IDE: variants seen among roughly 807,000 people sequenced by gnomAD.
IDE encodes insulin-degrading enzyme.
A neutral mutation model predicts 133.2 loss-of-function variants in IDE; 58 were observed. The observed-to-expected ratio is 0.44, with a 90% CI of 0.35 to 0.54. The LOEUF (loss-of-function observed/expected upper bound fraction) is 0.54. IDE is among the 20% of genes least tolerant of loss of function. The pLI, the probability that IDE is intolerant of heterozygous loss-of-function variation, is 0.00. For synonymous variants in IDE, 396 were observed against 421.3 expected (o/e 0.94, Z 0.73); for missense variants, 981 against 1,234.0 (o/e 0.79, Z 3.07).
intron 4 of IDE, among the ~76,000 whole-genome samples, chr10:92,523,339 C>G (rs1410280827): frequency 6.6e-6 from 1 of 151,836 alleles, no homozygotes; most frequent in Non-Finnish European, 1.5e-5. Flanking sequence ...CGAGATCATG[C>G]GACCGCACTC....
intron 13 of IDE, 127 bp downstream of exon 13, chr10:92,487,069 T>C (rs1322389522): frequency 3.1e-5 from 25 of 815,474 alleles, no homozygotes; most frequent in Non-Finnish European, 4.0e-5. Context: ...CTGCAGCTTT[T>C]TTGTCACCTA....
chr10:92,541,248 T>C (rs1170361328), intron 1 of IDE: 2 of 434,524 alleles, frequency 4.6e-6, no homozygotes, highest in South Asian at 3.5e-5. Flanking sequence ...AAAGTCTGGG[T>C]TTACCTATAG....
chr10:92,516,512 A>T (rs1010340241), intron 4 of IDE, among the ~76,000 whole-genome samples: 3 of 152,266 alleles, frequency 2.0e-5, no homozygotes, highest in Middle Eastern at 6.8e-3. Context: ...CTATATCTGT[A>T]TCTATATCTC....
In IDE at chr10:92,531,818, A is replaced by G. The variant is rs763435041; in HGVS notation, c.591T>C (p.Asp197=). Residue 197 remains aspartate, a synonymous_variant, in exon 4 of 25, where the codon GAT becomes GAC. Coordinates refer to ENST00000265986, the MANE Select transcript of IDE (RefSeq NM_004969.4). The stretch of plus-strand genomic sequence containing the variant: ...TTTCCAATTGAAAGAGTCTCCAGGC[A>G]TCATTCATCACATTCTTCTCATGTT... ...DSEHEKNVMN[D]AWRLFQLEKA... is the part of the protein sequence containing the mutation. 5.8e-5 allele frequency: 94 copies of G among 1,610,320 alleles called. No homozygotes were observed. The highest frequency in any genetic ancestry group is 7.9e-5 in the Non-Finnish European group (93 of 1,177,628).
At chr10:92,567,436 C>T (rs1843607830) in intron 1 of IDE, among the ~76,000 whole-genome samples, 1 of 152,188 alleles carries the variant, frequency 6.6e-6, no homozygotes, top group South Asian at 2.1e-4. Context: ...TCTGCAGACA[C>T]TCTTCTTTCC....
chr10:92,492,184 C>T (rs1314784418), intron 11 of IDE, among the ~76,000 whole-genome samples: 2 of 151,228 alleles, frequency 1.3e-5, no homozygotes, highest in Admixed American at 6.6e-5. Context: ...GGCGTGAACC[C>T]GGAAGGCGGA....
At chr10:92,535,085 T>C (rs1445422252) in intron 2 of IDE, among the ~76,000 whole-genome samples, 1 of 152,038 alleles carries the variant, frequency 6.6e-6, no homozygotes, top group African/African-American at 2.4e-5. Context: ...TTTTAAGAGG[T>C]AAAATTTTCT....
intron 22 of IDE, among the ~76,000 whole-genome samples, chr10:92,460,248 C>G (rs1236415347): frequency 6.6e-6 from 1 of 152,122 alleles, no homozygotes; most frequent in African/African-American, 2.4e-5. Flanking sequence ...TATCTCTGAC[C>G]ACAATTCAAA....
intron 1 of IDE, among the ~76,000 whole-genome samples, chr10:92,561,897 A>C (rs1317814721): frequency 6.6e-6 from 1 of 152,230 alleles, no homozygotes; most frequent in East Asian, 1.9e-4. Flanking sequence ...CATTTTTATT[A>C]TTAACAAAAA....
chr10:92,541,523 CCAGA>C (rs1330430136), intron 1 of IDE, among the ~76,000 whole-genome samples: 1 of 152,068 alleles, frequency 6.6e-6, no homozygotes, highest in Non-Finnish European at 1.5e-5. Context: ...AAATGCTTTC[CCAGA>C]CATTTATATT....
At chr10:92,462,806 G>C (rs543634631) in intron 21 of IDE, among the ~76,000 whole-genome samples, 1 of 152,236 alleles carries the variant, frequency 6.6e-6, no homozygotes, top group South Asian at 2.1e-4. Flanking sequence ...GTGAGAATTA[G>C]GAAAAAGATA....
At chr10:92,492,362 GA>G (rs1847407580) in intron 11 of IDE, among the ~76,000 whole-genome samples, 1 of 152,140 alleles carries the variant, frequency 6.6e-6, no homozygotes, top group Non-Finnish European at 1.5e-5. Context: ...AGGAGCAAAA[GA>G]AGTTCTGAAC....
At position 92,465,652 on chromosome 10, in the gene IDE, G is replaced by A. The variant is rs1253331924; in HGVS notation, c.2488+24C>T. 3.8e-6 allele frequency: 6 copies of A among 1,597,164 alleles called. No individual in the cohort carries two copies. The East Asian group carries it at 1.3e-4, about 36-fold the overall frequency. ...AATTCATCAAAGTCTACAGTACCCT[G>A]CTATTTCCCCACTTTCCTCTCACCC... On this transcript the variant is annotated intron_variant, in intron 20 of 24. Coordinates refer to ENST00000265986, the MANE Select transcript of IDE (RefSeq NM_004969.4).
chr10:92,550,937 C>A (rs1327970933), intron 1 of IDE, among the ~76,000 whole-genome samples: 1 of 152,056 alleles, frequency 6.6e-6, no homozygotes, highest in Admixed American at 6.6e-5. Context: ...AAAACTGGAA[C>A]CTGTGCACAC....
intron 11 of IDE, among the ~76,000 whole-genome samples, chr10:92,491,917 CT>C (rs1405716275): frequency 4.6e-5 from 7 of 151,898 alleles, no homozygotes; most frequent in Admixed American, 3.3e-4. Context: ...AGCCTAAAAG[CT>C]TTTTTTGATG....
chr10:92,486,495 A>G (rs1003353677), intron 13 of IDE, among the ~76,000 whole-genome samples: 2 of 152,232 alleles, frequency 1.3e-5, no homozygotes, highest in African/African-American at 4.8e-5. Flanking sequence ...TGAAGAAGAT[A>G]AAAAGAAACA....
rs1207785670 is a variant in IDE at position 92,557,828 on chromosome 10, T to G, written c.98+16094A>C. ...TTGTTTAAACCTGGGAGGCGGAGGT[T>G]GCAGTCACTGCACTACAACCTGGGC... On this transcript the variant is annotated intron_variant, in intron 1 of 24. Coordinates refer to ENST00000265986, the MANE Select transcript of IDE (RefSeq NM_004969.4). 6.5e-5 allele frequency among the ~76,000 whole-genome samples: 9 copies of G among 139,126 alleles called. No homozygotes were observed. The East Asian group carries it at 1.9e-3, about 29-fold the overall frequency. The allele number at this position is 139,126 out of a possible 152,430, so 91.3% of individuals were successfully genotyped here.
rs1226452331 is a variant in IDE at position 92,555,864 on chromosome 10, C to T, written c.98+18058G>A. On this transcript the variant is annotated intron_variant, in intron 1 of 24. Coordinates refer to ENST00000265986, the MANE Select transcript of IDE (RefSeq NM_004969.4). ...CAATTAGGCAAGAAAATGAAATAAA[C>T]GGCGTACAAATTAGAAAGAAAAAAG... Among the ~76,000 whole-genome samples the T allele has an allele frequency of 8.5e-5, 13 of 152,262 alleles. No homozygotes were observed. The East Asian group carries it at 1.7e-3, about 20-fold the overall frequency.
rs34615998 is a variant in IDE at position 92,485,125 on chromosome 10, CTTT to C, written c.1657-1791_1657-1789del. On this transcript the variant is annotated intron_variant, in intron 13 of 24. Transcript: ENST00000265986. ...TTTCTTTTTCTTTCTTTCTTTCTTT[CTTT>C]TTTTTTTTTTTTTTTTGTGACAGAG... Among the ~76,000 whole-genome samples, 100 of 100,834 alleles carry C rather than the reference CTTT, an allele frequency of 9.9e-4. No individual in the cohort carries two copies. In the Middle Eastern group the frequency reaches 0.05, roughly 50 times the overall value. The allele number at this position is 100,834 out of a possible 152,430, so 66.2% of individuals were successfully genotyped here. A position where few individuals can be genotyped will look rare whatever the true frequency, so the allele number is the denominator to read the frequency against.
Sources: allele counts gnomAD v4.1 joint callset (sites outside exome capture counted in the v4.1 genomes callset), GRCh38; gene constraint gnomAD v4.1.1; transcripts MANE v1.5; gene names NCBI Gene and HGNC (gene_info 2026-07-23, HGNC 2026-07-21).